The following UNC13C variants were observed in gnomAD, a reference collection of about 807,000 sequenced individuals.
UNC13C encodes the protein unc-13 homolog C.
In UNC13C, 174 loss-of-function variants were observed where a neutral mutation model predicts 245.4. That is an observed-to-expected ratio of 0.71 (90% CI 0.63 to 0.80). The LOEUF is 0.80. UNC13C is among the 30% of genes least tolerant of loss of function. UNC13C has a pLI of 0.00. For synonymous variants in UNC13C, 992 were observed against 895.1 expected, an observed-to-expected ratio of 1.11 and a Z score of -1.93; for missense variants, 2,829 against 2,602.9, an observed-to-expected ratio of 1.09 and a Z score of -1.89.
intron 8 of UNC13C, among the ~76,000 whole-genome samples, chr15:54,261,452 C>T (rs1189002990): frequency 6.6e-6 from 1 of 152,222 alleles, no homozygotes; most frequent in East Asian, 1.9e-4. Context: ...TTGTCTCTAT[C>T]TCTGAGCTAA....
chr15:54,171,298 A>G (rs1236982017), intron 4 of UNC13C, among the ~76,000 whole-genome samples: 1 of 152,152 alleles, frequency 6.6e-6, no homozygotes. Flanking sequence ...GGAAACAATC[A>G]GCAAAGTGAA....
At chr15:54,108,535 GA>G (rs943627603) in intron 2 of UNC13C, among the ~76,000 whole-genome samples, 2 of 151,650 alleles carry the variant, frequency 1.3e-5, no homozygotes, top group Non-Finnish European at 2.9e-5. Flanking sequence ...TGTAGGCCAA[GA>G]AAAAAAATAG....
chr15:54,546,972 T>C, intron 27 of UNC13C, 127 bp downstream of exon 27: 16 of 855,910 alleles, frequency 1.9e-5, no homozygotes, highest in Non-Finnish European at 2.8e-5. Context: ...TCCAGTTTCT[T>C]AACAATGATC....
chr15:54,459,551 T>C (rs999164946), intron 19 of UNC13C, among the ~76,000 whole-genome samples: 21 of 152,202 alleles, frequency 1.4e-4, no homozygotes, highest in African/African-American at 5.1e-4. Flanking sequence ...GTTTGGTTGT[T>C]TAACATAATC....
the UNC13C span, among the ~76,000 whole-genome samples, chr15:53,942,395 C>T: frequency 3.9e-5 from 6 of 151,904 alleles, no homozygotes; most frequent in Middle Eastern, 3.4e-3. Context: ...TACACTGGGC[C>T]TGTTGGTGGG....
At chr15:54,130,544 G>A (rs1595890315) in intron 2 of UNC13C, among the ~76,000 whole-genome samples, 3 of 151,994 alleles carry the variant, frequency 2.0e-5, no homozygotes. Flanking sequence ...CACCCGCCTC[G>A]GCCTCCCAAA....
chr15:54,229,833 G>A (rs2035499287), intron 4 of UNC13C, among the ~76,000 whole-genome samples: 1 of 152,046 alleles, frequency 6.6e-6, no homozygotes, highest in Non-Finnish European at 1.5e-5. Context: ...CTAGTTCTGA[G>A]ATCAACATTT....
chr15:54,237,400 A>G (rs2035729883), intron 6 of UNC13C: 9 of 642,160 alleles, frequency 1.4e-5, no homozygotes, highest in South Asian at 1.4e-4. Context: ...CATCTATAAA[A>G]TGTAGGGGTT....
chr15:54,353,675 C>T (rs569912478), intron 17 of UNC13C, among the ~76,000 whole-genome samples: 19 of 152,296 alleles, frequency 1.2e-4, no homozygotes, highest in Admixed American at 1.2e-3. Context: ...ATTGGCCACT[C>T]CATCCTTCCT....
chr15:53,992,172 T>A (rs1352765090), intron 1 of UNC13C, among the ~76,000 whole-genome samples: 2 of 152,042 alleles, frequency 1.3e-5, no homozygotes, highest in Non-Finnish European at 2.9e-5. Context: ...AAGGAATGTA[T>A]CCCATAATGA....
intron 2 of UNC13C, among the ~76,000 whole-genome samples, chr15:54,026,539 T>C (rs2141011406): frequency 6.6e-6 from 1 of 152,336 alleles, no homozygotes; most frequent in East Asian, 1.9e-4. Context: ...TCTGGAGTCA[T>C]TTATTAAAGA....
Position 54,015,080 on chromosome 15 carries a change from T to G in UNC13C, c.2177T>G (p.Leu726Trp). The change falls in exon 2 of 33, where the codon TTG becomes TGG. Residue 726 changes from leucine (L) to tryptophan (W), a missense_variant. Physicochemically the swap from Leu to Trp is moderately conservative, Grantham distance 61 (BLOSUM62 -2). Coordinates refer to ENST00000260323, the MANE Select transcript of UNC13C (RefSeq NM_001080534.3). Reference sequence around the variant, plus strand: ...GACAATTCTTCTCCATGCCCTGGCTTGGATAATGAACCACAAGGCCAGTGG... The same window carrying G: ...GACAATTCTTCTCCATGCCCTGGCTGGGATAATGAACCACAAGGCCAGTGG... ...QDDNSSPCPG[L>W]DNEPQGQWVG... 1 of 1,612,870 alleles carries G rather than the reference T, an allele frequency of 6.2e-7. No homozygotes were observed. The highest frequency in any genetic ancestry group is 1.7e-5 in the Admixed American group (1 of 59,788).
At chr15:54,559,364 G>A (rs1355961360) in intron 29 of UNC13C, among the ~76,000 whole-genome samples, 1 of 151,954 alleles carries the variant, frequency 6.6e-6, no homozygotes, top group East Asian at 1.9e-4. Flanking sequence ...TATCTCCATT[G>A]TCCATGGGGT....
At chr15:53,846,653 A>T in the UNC13C span, among the ~76,000 whole-genome samples, 12 of 152,178 alleles carry the variant, frequency 7.9e-5, no homozygotes, top group Admixed American at 5.9e-4. Context: ...TTGCTTTAAG[A>T]CATTTTTAGG....
intron 12 of UNC13C, among the ~76,000 whole-genome samples, chr15:54,298,265 A>G (rs1273558264): frequency 6.6e-6 from 1 of 152,200 alleles, no homozygotes. Context: ...GTCATGCCAC[A>G]TATTTTGGAA....
At chr15:54,369,877 T>C (rs1263614140) in intron 17 of UNC13C, among the ~76,000 whole-genome samples, 1 of 152,160 alleles carries the variant, frequency 6.6e-6, no homozygotes, top group African/African-American at 2.4e-5. Flanking sequence ...CTACTATTTT[T>C]AAGAAAAATG....
At position 54,458,377 on chromosome 15, in the gene UNC13C, G is replaced by A. The variant is rs140172060; in HGVS notation, c.4934-36231G>A. Among the ~76,000 whole-genome samples the A allele has an allele frequency of 5.2e-3, 784 of 152,136 alleles. 6 individuals carry two copies. The highest frequency in any genetic ancestry group is 0.018 in the African/African-American group (730 of 41,538). On this transcript the variant is annotated intron_variant, in intron 19 of 32. Coordinates refer to ENST00000260323, the MANE Select transcript of UNC13C (RefSeq NM_001080534.3). ...ATATTCTGCAGTTGTTGGTTAGAAC[G>A]TTCTGCAAATATCTGTTAAATCCAT...
the UNC13C span, among the ~76,000 whole-genome samples, chr15:53,956,213 C>T: frequency 6.6e-6 from 1 of 152,088 alleles, no homozygotes; most frequent in Admixed American, 6.6e-5. Context: ...GAAAAATTAA[C>T]TATTGGGTAC....
chr15:54,298,147 A>G (rs868448541), intron 12 of UNC13C, among the ~76,000 whole-genome samples: 8 of 152,182 alleles, frequency 5.3e-5, no homozygotes, highest in Admixed American at 6.5e-5. Flanking sequence ...CAAGCCTGTG[A>G]GGCAGGTGTG....
Sources: gnomAD v4.1 joint callset for allele counts (sites outside exome capture counted in the v4.1 genomes callset) on GRCh38, gnomAD v4.1.1 for gene constraint, MANE v1.5 for transcripts, NCBI Gene and HGNC (gene_info 2026-07-23, HGNC 2026-07-21) for gene names.